Variants in CDKAL1 observed in about 807,000 individuals in gnomAD.
The protein encoded by CDKAL1 is CDKAL1 threonylcarbamoyladenosine tRNA methylthiotransferase.
A neutral mutation model predicts 68.2 loss-of-function variants in CDKAL1; 32 were observed. That is an observed-to-expected ratio of 0.47 (90% CI 0.35 to 0.63). The LOEUF (loss-of-function observed/expected upper bound fraction) is 0.63. CDKAL1 is among the 30% of genes least tolerant of loss of function. The pLI, the probability that CDKAL1 is intolerant of heterozygous loss-of-function variation, is 0.00. For synonymous variants in CDKAL1, 234 were observed against 244.3 expected, an observed-to-expected ratio of 0.96 and a Z score of 0.39; for missense variants, 606 against 696.7, an observed-to-expected ratio of 0.87 and a Z score of 1.47.
chr6:21,230,875 C>A lies in CDKAL1; in HGVS notation c.1576C>A (p.Leu526Met). 4 of 1,610,006 alleles carry A rather than the reference C, an allele frequency of 2.5e-6. No individual in the cohort carries two copies. The highest frequency in any genetic ancestry group is 3.4e-6 in the Non-Finnish European group (4 of 1,177,592). Residue 526 changes from leucine to methionine, a missense_variant, in exon 16 of 16, where the codon CTG becomes ATG. Transcript: ENST00000274695. ...CTTCAGAAATGGGCTTGGGAACCAG[C>A]TGAGTTCAGGATCCCACACCTCTGC... ...KDFRNGLGNQ[L>M]SSGSHTSAAS...
intron 9 of CDKAL1, among the ~76,000 whole-genome samples, chr6:20,897,261 AT>A (rs942135768): frequency 5.9e-5 from 9 of 152,216 alleles, no homozygotes; most frequent in Admixed American, 6.5e-5. Flanking sequence ...ACTTGTAGAC[AT>A]TTGTTCAGAA....
At chr6:20,671,784 G>T (rs1375389810) in intron 5 of CDKAL1, among the ~76,000 whole-genome samples, 1 of 151,814 alleles carries the variant, frequency 6.6e-6, no homozygotes, top group Non-Finnish European at 1.5e-5. Flanking sequence ...CTGGATTGCA[G>T]TGGCTGTTCA....
intron 15 of CDKAL1, among the ~76,000 whole-genome samples, chr6:21,206,283 G>A (rs1187991557): frequency 3.3e-5 from 5 of 152,002 alleles, no homozygotes; most frequent in African/African-American, 1.2e-4. Flanking sequence ...GAGAGAGAGG[G>A]AAAAAAATGA....
intron 4 of CDKAL1, among the ~76,000 whole-genome samples, chr6:20,564,548 ATTT>A (rs912041890): frequency 1.1e-4 from 17 of 152,128 alleles, no homozygotes; most frequent in African/African-American, 4.1e-4. Context: ...ACCAGGTTTC[ATTT>A]TTATTTTGAA....
intron 9 of CDKAL1, among the ~76,000 whole-genome samples, chr6:20,919,735 C>G (rs1284713122): frequency 1.3e-5 from 2 of 152,074 alleles, no homozygotes; most frequent in Non-Finnish European, 2.9e-5. Flanking sequence ...TTTGGCTGCC[C>G]AGCACCTTTT....
intron 8 of CDKAL1, among the ~76,000 whole-genome samples, chr6:20,836,561 C>T (rs1291127632): frequency 2.0e-5 from 3 of 152,180 alleles, no homozygotes; most frequent in Non-Finnish European, 4.4e-5. Flanking sequence ...TTGCTCATCT[C>T]TGAAATACTG....
intron 8 of CDKAL1, among the ~76,000 whole-genome samples, chr6:20,832,343 G>T (rs1348021612): frequency 6.6e-6 from 1 of 151,972 alleles, no homozygotes; most frequent in Non-Finnish European, 1.5e-5. Context: ...TTAAGGCAGG[G>T]ACTATCTATT....
intron 15 of CDKAL1, among the ~76,000 whole-genome samples, chr6:21,215,503 T>C (rs1779309912): frequency 6.6e-6 from 1 of 152,176 alleles, no homozygotes; most frequent in Non-Finnish European, 1.5e-5. Context: ...ACTTTCCTCC[T>C]CCTTTTCTAC....
chr6:20,983,676 A>G lies in CDKAL1; in HGVS notation c.910-16551A>G, dbSNP rs181010973. On this transcript the variant is annotated intron_variant, in intron 10 of 15. Transcript: ENST00000274695. Reference sequence around the variant, plus strand: ...GCTGAGGTTGCAGTGAGCTGCGATCATGCCACTGCACTCCAGCCTGGGCAA... The same window carrying G: ...GCTGAGGTTGCAGTGAGCTGCGATCGTGCCACTGCACTCCAGCCTGGGCAA... Among the ~76,000 whole-genome samples, 26 of 152,316 alleles carry G rather than the reference A, an allele frequency of 1.7e-4. No homozygotes were observed. The East Asian group carries it at 4.6e-3, about 27-fold the overall frequency.
chr6:20,944,879 T>C (rs1347931204), intron 9 of CDKAL1, among the ~76,000 whole-genome samples: 1 of 152,210 alleles, frequency 6.6e-6, no homozygotes, highest in South Asian at 2.1e-4. Context: ...AAATTTTAAA[T>C]TGAAGATGTA....
At chr6:21,205,117 C>G (rs1357869325) in intron 15 of CDKAL1, among the ~76,000 whole-genome samples, 1 of 152,210 alleles carries the variant, frequency 6.6e-6, no homozygotes, top group African/African-American at 2.4e-5. Context: ...CATGTTGTAG[C>G]ACGTGTCAGA....
At chr6:21,222,524 C>T (rs1261149995) in intron 15 of CDKAL1, among the ~76,000 whole-genome samples, 1 of 152,160 alleles carries the variant, frequency 6.6e-6, no homozygotes, top group East Asian at 1.9e-4. Context: ...ATTGTTTTAA[C>T]TGACTTCAAG....
intron 12 of CDKAL1, among the ~76,000 whole-genome samples, chr6:21,078,950 C>T (rs1457030157): frequency 6.6e-6 from 1 of 152,116 alleles, no homozygotes; most frequent in Non-Finnish European, 1.5e-5. Context: ...TGGCATAGAG[C>T]AGGAACTCAG....
intron 13 of CDKAL1, among the ~76,000 whole-genome samples, chr6:21,132,173 CAG>C (rs1377770606): frequency 2.0e-5 from 3 of 152,006 alleles, no homozygotes; most frequent in Non-Finnish European, 4.4e-5. Flanking sequence ...ATCTTAGAGA[CAG>C]AAAGATCTCT....
At chr6:20,814,913 G>A (rs1281496761) in intron 8 of CDKAL1, among the ~76,000 whole-genome samples, 1 of 152,114 alleles carries the variant, frequency 6.6e-6, no homozygotes, top group East Asian at 1.9e-4. Context: ...ACATTGCTAA[G>A]GCTGCCATGC....
intron 11 of CDKAL1, among the ~76,000 whole-genome samples, chr6:21,003,616 T>C (rs1366234451): frequency 6.6e-6 from 1 of 151,688 alleles, no homozygotes; most frequent in Non-Finnish European, 1.5e-5. Flanking sequence ...TTTAAATAGT[T>C]CTTATGTTTG....
intron 9 of CDKAL1, among the ~76,000 whole-genome samples, chr6:20,930,529 G>A (rs764744892): frequency 3.9e-5 from 6 of 152,048 alleles, no homozygotes; most frequent in South Asian, 2.1e-4. Flanking sequence ...ATGTCATTTC[G>A]TATTTCCAAA....
Position 21,159,101 on chromosome 6 carries a change from C to CTTTT in CDKAL1, c.1300-38907_1300-38904dup, listed in dbSNP as rs10645059. Among the ~76,000 whole-genome samples the CTTTT allele has an allele frequency of 2.2e-3, 292 of 135,770 alleles. 1 individual carries two copies. Among genetic ancestry groups the CTTTT allele is most frequent in the African/African-American group, 7.4e-3 (269 of 36,570 alleles). 89.1% of individuals were successfully genotyped at this position (135,770 alleles called of 152,430 possible). ...TCTTGACCTTGTTTTCTGAAACCTC[C>CTTTT]TTTTTTTTTTTTTTTTAATTTTTTT... On this transcript the variant is annotated intron_variant, in intron 13 of 15. Transcript: ENST00000274695.
At chr6:20,917,138 G>A (rs544650075) in intron 9 of CDKAL1, among the ~76,000 whole-genome samples, 42 of 152,086 alleles carry the variant, frequency 2.8e-4, no homozygotes, top group Admixed American at 6.6e-4. Flanking sequence ...ACATCACCAC[G>A]CCCAGCTGAT....
Sources: gnomAD v4.1 joint callset for allele counts (sites outside exome capture counted in the v4.1 genomes callset) on GRCh38, gnomAD v4.1.1 for gene constraint, MANE v1.5 for transcripts, NCBI Gene and HGNC (gene_info 2026-07-23, HGNC 2026-07-21) for gene names.